The following ADGRL2 variants were observed in gnomAD, a reference collection of about 807,000 sequenced individuals.
ADGRL2 encodes calcium-independent alpha-latrotoxin receptor 2.
ADGRL2 carries 44 observed loss-of-function variants against 157.4 expected under a neutral mutation model. That is an observed-to-expected ratio of 0.28 (90% CI 0.22 to 0.36). The LOEUF is 0.36. Among genes scored for constraint, ADGRL2 ranks in the 10% least tolerant of loss-of-function variants. The pLI is 1.00. For missense variants in ADGRL2, 1,510 were observed against 1,768.9 expected, an observed-to-expected ratio of 0.85 and a Z score of 2.63; for synonymous variants, 585 against 624.7, an observed-to-expected ratio of 0.94 and a Z score of 0.95.
At position 81,971,834 on chromosome 1, in the gene ADGRL2, C is replaced by G. The variant is rs199656325; in HGVS notation, c.2955-18C>G. 6.6e-7 allele frequency: 1 copy of G among 1,504,948 alleles called. No homozygotes were observed. The highest frequency in any genetic ancestry group is 1.4e-5 in the African/African-American group (1 of 72,578). The allele number at this position is 1,504,948 out of a possible 1,614,324, so 93.2% of individuals were successfully genotyped here. On this transcript the variant is annotated intron_variant, in intron 16 of 23. Transcript: ENST00000686636. ...TCCATAGAAACTACTAATGCATATT[C>G]TTCTCTTTTCATAATAGTTGCTGGC... is the stretch of plus-strand genomic sequence containing the variant.
At chr1:81,447,470 G>C (rs2077619165) in intron 2 of ADGRL2, among the ~76,000 whole-genome samples, 1 of 152,078 alleles carries the variant, frequency 6.6e-6, no homozygotes. Flanking sequence ...AGCAAAAATG[G>C]GTAATGTCTA....
At chr1:81,497,000 CT>C (rs1557735307) in intron 2 of ADGRL2, among the ~76,000 whole-genome samples, 1 of 152,012 alleles carries the variant, frequency 6.6e-6, no homozygotes, top group African/African-American at 2.4e-5. Flanking sequence ...CTGAAATGAT[CT>C]TTCCTCACAC....
In ADGRL2 at chr1:81,527,142, T is replaced by C. The variant is rs1161333888; in HGVS notation, c.-247-53734T>C. Among the ~76,000 whole-genome samples, 3 of 152,244 alleles carry C rather than the reference T, an allele frequency of 2.0e-5. No homozygotes were observed. The South Asian group carries it at 6.2e-4, about 31-fold the overall frequency. On this transcript the variant is annotated intron_variant, in intron 2 of 24. Coordinates refer to the ADGRL2 transcript ENST00000370721. ...CAGCATTTAATCTGTTAGGTACTATTAGGATCACCAATAAAATACCAACCT... is the reference window on the plus strand; with the variant it reads ...CAGCATTTAATCTGTTAGGTACTATCAGGATCACCAATAAAATACCAACCT...
chr1:81,526,697 A>C (rs1004680392), intron 2 of ADGRL2, among the ~76,000 whole-genome samples: 12 of 152,348 alleles, frequency 7.9e-5, no homozygotes, highest in Admixed American at 5.2e-4. Context: ...TCTGCTTTAA[A>C]AACAGTTTCT....
chr1:81,460,671 T>C (rs1227580968), intron 2 of ADGRL2, among the ~76,000 whole-genome samples: 1 of 152,150 alleles, frequency 6.6e-6, no homozygotes, highest in Non-Finnish European at 1.5e-5. Context: ...ATGTGCTCCT[T>C]GGAGTTTGAA....
intron 3 of ADGRL2, among the ~76,000 whole-genome samples, chr1:81,648,864 A>C (rs1034471298): frequency 6.6e-6 from 1 of 152,128 alleles, no homozygotes; most frequent in Admixed American, 6.6e-5. Flanking sequence ...TCAGCTCTGC[A>C]CTCCCAGGGA....
intron 5 of ADGRL2, 102 bp from the exon 6 acceptor site, chr1:81,942,867 A>AAT (rs754050183): frequency 2.4e-6 from 2 of 846,292 alleles, no homozygotes; most frequent in Admixed American, 4.1e-5. Flanking sequence ...ATTGAATGCT[A>AAT]ATAATATGAA....
At chr1:81,647,546 C>T (rs892280619) in intron 3 of ADGRL2, among the ~76,000 whole-genome samples, 7 of 152,164 alleles carry the variant, frequency 4.6e-5, no homozygotes, top group African/African-American at 1.7e-4. Context: ...TACATACCTA[C>T]AGGCTATGTG....
chr1:81,675,337 T>A (rs771306080), intron 3 of ADGRL2, among the ~76,000 whole-genome samples: 1 of 152,170 alleles, frequency 6.6e-6, no homozygotes, highest in Non-Finnish European at 1.5e-5. Flanking sequence ...GAAAGTCAAA[T>A]CTCCAATGAG....
chr1:81,598,683 G>A (rs969361349), intron 3 of ADGRL2, among the ~76,000 whole-genome samples: 12 of 152,204 alleles, frequency 7.9e-5, no homozygotes, highest in African/African-American at 2.9e-4. Context: ...CAAGTGGTCA[G>A]GGAAACATTA....
At chr1:81,744,303 A>T (rs1405661580) in intron 1 of ADGRL2, among the ~76,000 whole-genome samples, 3 of 152,132 alleles carry the variant, frequency 2.0e-5, no homozygotes. Flanking sequence ...AGTACTTGTA[A>T]ACTATATGGA....
intron 2 of ADGRL2, among the ~76,000 whole-genome samples, chr1:81,476,638 A>G (rs574776408): frequency 5.3e-5 from 8 of 152,268 alleles, no homozygotes; most frequent in Admixed American, 1.3e-4. Flanking sequence ...AATGGATTCC[A>G]TAGAAATCTC....
At chr1:81,487,719 A>G (rs376182499) in intron 2 of ADGRL2, among the ~76,000 whole-genome samples, 1 of 152,186 alleles carries the variant, frequency 6.6e-6, no homozygotes. Flanking sequence ...CTAAAATTGT[A>G]TATTCAATAA....
At chr1:81,689,343 G>A (rs1043394654) in intron 3 of ADGRL2, among the ~76,000 whole-genome samples, 19 of 152,018 alleles carry the variant, frequency 1.2e-4, no homozygotes, top group African/African-American at 4.4e-4. Flanking sequence ...TCCTTTATTC[G>A]ACATAGATCT....
intron 1 of ADGRL2, among the ~76,000 whole-genome samples, chr1:81,337,512 G>A (rs1189235470): frequency 1.3e-5 from 2 of 152,190 alleles, no homozygotes; most frequent in African/African-American, 4.8e-5. Flanking sequence ...GACCGTGAAA[G>A]CATCAGACAA....
At chr1:81,647,447 C>T (rs1341425106) in intron 3 of ADGRL2, among the ~76,000 whole-genome samples, 1 of 152,166 alleles carries the variant, frequency 6.6e-6, no homozygotes, top group Non-Finnish European at 1.5e-5. Flanking sequence ...TACACCTGAC[C>T]TCATGTGCCA....
chr1:81,470,310 GT>G (rs1363515714), intron 2 of ADGRL2, among the ~76,000 whole-genome samples: 1 of 152,148 alleles, frequency 6.6e-6, no homozygotes, highest in Non-Finnish European at 1.5e-5. Flanking sequence ...TCAAGGGCCT[GT>G]TTCCTGCATC....
intron 1 of ADGRL2, among the ~76,000 whole-genome samples, chr1:81,348,937 T>G (rs557088770): frequency 8.8e-4 from 134 of 152,332 alleles, no homozygotes; most frequent in African/African-American, 3.1e-3. Flanking sequence ...TTCACTGATT[T>G]TAAGAAAAAA....
intron 1 of ADGRL2, among the ~76,000 whole-genome samples, chr1:81,349,859 G>GA (rs200255497): frequency 0.012 from 1,800 of 151,478 alleles, 15 homozygotes; most frequent in Middle Eastern, 0.037. Flanking sequence ...AGGCGGGAGG[G>GA]AAAAAAAATC....
Sources: gnomAD v4.1 joint callset for allele counts (sites outside exome capture counted in the v4.1 genomes callset) on GRCh38, gnomAD v4.1.1 for gene constraint, MANE v1.5 for transcripts, NCBI Gene and HGNC (gene_info 2026-07-23, HGNC 2026-07-21) for gene names.